The following PSD variants were observed in gnomAD, a reference collection of about 807,000 sequenced individuals.
The protein encoded by PSD is pleckstrin and Sec7 domain containing.
In PSD, 32 loss-of-function variants were observed where a neutral mutation model predicts 91.6. That is an observed-to-expected ratio of 0.35 (90% CI 0.26 to 0.47). PSD has a LOEUF of 0.47. Among genes scored for constraint, PSD ranks in the 20% least tolerant of loss-of-function variants. The pLI, the probability that PSD is intolerant of heterozygous loss-of-function variation, is 1.00. For synonymous variants in PSD, 532 were observed against 569.3 expected, an observed-to-expected ratio of 0.93 and a Z score of 0.93; for missense variants, 1,099 against 1,373.9, an observed-to-expected ratio of 0.80 and a Z score of 3.16.
chr10:102,417,455 C>T (rs1210900517), intron 1 of PSD, among the ~76,000 whole-genome samples: 2 of 151,984 alleles, frequency 1.3e-5, no homozygotes, highest in East Asian at 3.9e-4. Flanking sequence ...GAAGTTGGTA[C>T]CCCACCCTCT....
In PSD at chr10:102,403,334, C is replaced by T. The variant is rs371797859; in HGVS notation, c.2941G>A (p.Gly981Arg). The part of the protein sequence containing the change: ...DAVEAALAQA[G>R]STEDGLPPSH... ...GGAGGGAGTCCATCCTCTGTGCTCCCGGCCTGGGCCAGTGCTGCCTCCACT... is the reference window on the plus strand; with the variant it reads ...GGAGGGAGTCCATCCTCTGTGCTCCTGGCCTGGGCCAGTGCTGCCTCCACT... Residue 981 changes from glycine (G) to arginine (R), a missense_variant, in exon 17 of 17, where the codon GGG (glycine) becomes AGG (arginine). By Grantham distance (125) the Gly-to-Arg change is moderately radical. This residue lies in a region of PSD where 358 missense variants were observed against 426.5 expected (regional missense o/e 0.84). Coordinates refer to ENST00000020673, the MANE Select transcript of PSD (RefSeq NM_002779.5). This position sits in a 1 kb window ranked among gnomAD's most constrained non-coding sequence, Gnocchi z 6.7. 30 of 1,613,962 alleles carry T rather than the reference C, an allele frequency of 1.9e-5. No homozygotes were observed. In the East Asian group the frequency reaches 2.0e-4, roughly 11 times the overall value.
chr10:102,415,796 C>T (rs1015608472), intron 3 of PSD, among the ~76,000 whole-genome samples: 4 of 152,196 alleles, frequency 2.6e-5, no homozygotes, highest in Non-Finnish European at 5.9e-5. Context: ...CCTTCTGTCC[C>T]CTCCCTCCAT....
At chr10:102,417,522 T>C (rs1430687557) in intron 1 of PSD, among the ~76,000 whole-genome samples, 1 of 151,820 alleles carries the variant, frequency 6.6e-6, no homozygotes, top group Non-Finnish European at 1.5e-5. Flanking sequence ...CCCTATAGTC[T>C]CTCTTATGGA....
Position 102,416,893 on chromosome 10 carries a change from C to T in PSD, c.146G>A (p.Arg49Gln), listed in dbSNP as rs768396232. 17 of 1,607,138 alleles carry T rather than the reference C, an allele frequency of 1.1e-5. No individual in the cohort carries two copies. The highest frequency in any genetic ancestry group is 2.2e-5 in the South Asian group (2 of 90,462). The change falls in exon 2 of 17, where the codon CGA (arginine) becomes CAA (glutamine). Residue 49 changes from arginine (R) to glutamine (Q), a missense_variant. This residue lies in a region of PSD where 631 missense variants were observed against 728.8 expected (regional missense o/e 0.87). Coordinates refer to ENST00000020673, the MANE Select transcript of PSD (RefSeq NM_002779.5). This position sits in a 1 kb window ranked among gnomAD's most constrained non-coding sequence, Gnocchi z 6.0. Reference sequence around the variant, plus strand: ...GCCTCGAGGACCTGGACCTGCCACTCGCCGTAGCAAGGAGCCTGTGCTGCC... The same window carrying T: ...GCCTCGAGGACCTGGACCTGCCACTTGCCGTAGCAAGGAGCCTGTGCTGCC... ...MYGSTGSLLRRVAGPGPRGRE... is the reference protein window; with the variant it reads ...MYGSTGSLLRQVAGPGPRGRE...
At position 102,411,802 on chromosome 10, in the gene PSD, A is replaced by C; in HGVS notation, c.1847T>G (p.Leu616Arg). The change falls in exon 8 of 17, where the codon CTG (leucine) becomes CGG (arginine). Residue 616 changes from leucine (L) to arginine (R), a missense_variant. Leu to Arg is a moderately radical substitution (Grantham distance 102, BLOSUM62 -2). Transcript: ENST00000020673. ...TTCCTGGGTCTCACCCATTAAGGCC[A>C]GCTCCTTCAGAAACACCCTGGAGAA... The part of the protein sequence containing the change: ...DQALRVFLKE[L>R]ALMGETQERE... 1 of 1,612,882 alleles carries C rather than the reference A, an allele frequency of 6.2e-7. No homozygotes were observed. The highest frequency in any genetic ancestry group is 8.5e-7 in the Non-Finnish European group (1 of 1,179,462).
rs747969446 is a variant in PSD at position 102,417,003 on chromosome 10, G to A, written c.36C>T (p.Gly12=). 1.2e-5 allele frequency: 19 copies of A among 1,589,906 alleles called. No individual in the cohort carries two copies. Among genetic ancestry groups the A allele is most frequent in the South Asian group, 3.3e-5 (3 of 90,268 alleles). ...ATCGTGGTGGGGAGATGGCACAGTC[G>A]CCTTCCGAGCAGAAGCGCATGGCAC... ...AQGAMRFCSE[G]DCAISPPRCP... Residue 12 remains glycine (G), a synonymous_variant, in exon 2 of 17, where the codon GGC becomes GGT. Transcript: ENST00000020673.
chr10:102,410,765 C>G lies in PSD; in HGVS notation c.2091+93G>C, dbSNP rs2061417026. The G allele has an allele frequency of 3.0e-6, 3 of 1,003,322 alleles. No homozygotes were observed. The African/African-American group carries it at 4.7e-5, about 16-fold the overall frequency. 62.2% of individuals were successfully genotyped at this position (1,003,322 alleles called of 1,614,324 possible). ...GGCAGGAGCCGGGGGTCGGCAAGCC[C>G]CAGCCCTGCCCTCCCTCCGACTCTG... On this transcript the variant is annotated intron_variant, in intron 10 of 16. Transcript: ENST00000020673. The surrounding 1 kb of genome is among the most constrained non-coding windows in gnomAD (Gnocchi z 6.0).
chr10:102,410,792 A>T lies in PSD; in HGVS notation c.2091+66T>A. The T allele has an allele frequency of 4.8e-6, 5 of 1,039,224 alleles. No individual in the cohort carries two copies. Among genetic ancestry groups the T allele is most frequent in the Non-Finnish European group, 7.5e-6 (5 of 671,088 alleles). The allele number at this position is 1,039,224 out of a possible 1,614,324, so 64.4% of individuals were successfully genotyped here. On this transcript the variant is annotated intron_variant, in intron 10 of 16. Coordinates refer to ENST00000020673, the MANE Select transcript of PSD (RefSeq NM_002779.5). This position sits in a 1 kb window ranked among gnomAD's most constrained non-coding sequence, Gnocchi z 6.0. ...AGCCCTGCCCTCCCTCCGACTCTGG[A>T]CTCCGTCGCCGACTGGGTCCTCCAT...
chr10:102,413,725 A>G (rs754690752), intron 5 of PSD, 44 bp downstream of exon 5: 33 of 1,546,920 alleles, frequency 2.1e-5, no homozygotes, highest in Non-Finnish European at 2.6e-5. Context: ...CTGTTTCTGG[A>G]GCCCTGGGGG....
At position 102,413,991 on chromosome 10, in the gene PSD, A is replaced by C; in HGVS notation, c.1331T>G (p.Leu444Arg). Reference sequence around the variant, plus strand: ...CCGGGGTGCAGGGGGTTGGGGAGGCAGCTCAAAGGTGAAGAAGGGGCTCTG... The same window carrying C: ...CCGGGGTGCAGGGGGTTGGGGAGGCCGCTCAAAGGTGAAGAAGGGGCTCTG... ...PTQSPFFTFE[L>R]PPQPPAPRPD... Residue 444 changes from leucine to arginine, a missense_variant, in exon 5 of 17, where the codon CTG (leucine) becomes CGG (arginine). Physicochemically the swap from Leu to Arg is moderately radical, Grantham distance 102 (BLOSUM62 -2). Coordinates refer to ENST00000020673, the MANE Select transcript of PSD (RefSeq NM_002779.5). 3 of 1,613,964 alleles carry C rather than the reference A, an allele frequency of 1.9e-6. No homozygotes were observed. The highest frequency in any genetic ancestry group is 2.5e-6 in the Non-Finnish European group (3 of 1,179,846).
rs1335815379 is a variant in PSD at position 102,411,696 on chromosome 10, G to A, written c.1942+11C>T. ...CCAGCTAAGGACACCCCTGCTCTCG[G>A]AACTCCTCACCCTCTGAGGACAGGG... On this transcript the variant is annotated intron_variant, in intron 8 of 16. Transcript: ENST00000020673. The A allele has an allele frequency of 6.2e-7, 1 of 1,606,696 alleles. No individual in the cohort carries two copies. The highest frequency in any genetic ancestry group is 1.1e-5 in the South Asian group (1 of 90,124).
At chr10:102,418,469 G>A (rs1275307036) in intron 1 of PSD, among the ~76,000 whole-genome samples, 1 of 151,948 alleles carries the variant, frequency 6.6e-6, no homozygotes, top group East Asian at 1.9e-4. Context: ...CCCACCTACT[G>A]GGGTCTCTTG....
chr10:102,405,099 C>T lies in PSD; in HGVS notation c.2398-44G>A. 3 of 1,611,012 alleles carry T rather than the reference C, an allele frequency of 1.9e-6. No individual in the cohort carries two copies. Among genetic ancestry groups the T allele is most frequent in the Non-Finnish European group, 2.5e-6 (3 of 1,178,566 alleles). The stretch of plus-strand genomic sequence containing the variant: ...TGTCCTGGCCCCAAATGCAGCCTGG[C>T]CCAGCCCCTCCTATTCCCACCCATC... On this transcript the variant is annotated intron_variant, in intron 13 of 16. Transcript: ENST00000020673. This position sits in a 1 kb window ranked among gnomAD's most constrained non-coding sequence, Gnocchi z 5.4.
At position 102,405,410 on chromosome 10, in the gene PSD, C is replaced by T. The variant is rs2061348929; in HGVS notation, c.2262G>A (p.Gly754=). Reference sequence around the variant, plus strand: ...GGGCCCCGTGCTTGTAGACGGCAGCCCCAGGCTCGGGAGTCAGGTCCAGGA... The same window carrying T: ...GGGCCCCGTGCTTGTAGACGGCAGCTCCAGGCTCGGGAGTCAGGTCCAGGA... ...SPFLDLTPEP[G]AAVYKHGALV... is the part of the protein sequence containing the mutation. Residue 754 remains glycine, a synonymous_variant, in exon 12 of 17, where the codon GGG becomes GGA. Coordinates refer to ENST00000020673, the MANE Select transcript of PSD (RefSeq NM_002779.5). This position sits in a 1 kb window ranked among gnomAD's most constrained non-coding sequence, Gnocchi z 5.4. The T allele has an allele frequency of 6.2e-7, 1 of 1,614,002 alleles. No individual in the cohort carries two copies. The highest frequency in any genetic ancestry group is 8.5e-7 in the Non-Finnish European group (1 of 1,180,036).
In PSD at chr10:102,409,160, G is replaced by A; in HGVS notation, c.2091+1698C>T. The A allele has an allele frequency of 1.0e-6, 1 of 979,808 alleles. No individual in the cohort carries two copies. Among genetic ancestry groups the A allele is most frequent in the Non-Finnish European group, 1.2e-6 (1 of 827,900 alleles). The allele number at this position is 979,808 out of a possible 1,614,324, so 60.7% of individuals were successfully genotyped here. The stretch of plus-strand genomic sequence containing the variant: ...TCCGCCCTCGGCCCCCGGGCCGCCC[G>A]GACGGCCCGCGGACCGCTCCCCCGA... On this transcript the variant is annotated intron_variant, in intron 10 of 16. Transcript: ENST00000020673. The surrounding 1 kb of genome is among the most constrained non-coding windows in gnomAD (Gnocchi z 5.7).
At chr10:102,415,270 G>T (rs373380603) in intron 3 of PSD, 41 bp from the exon 4 acceptor site, 1 of 1,547,984 alleles carries the variant, frequency 6.5e-7, no homozygotes, top group Non-Finnish European at 8.7e-7. Context: ...GGTTATCCAC[G>T]TCAGCTCCCT....
At chr10:102,415,874 A>G in intron 3 of PSD, 143 bp downstream of exon 3, 1 of 623,624 alleles carries the variant, frequency 1.6e-6, no homozygotes. Context: ...GCAGATGGAA[A>G]GATTGAGGCC....
At chr10:102,413,433 A>G (rs1253961734) in intron 5 of PSD, among the ~76,000 whole-genome samples, 8 of 152,142 alleles carry the variant, frequency 5.3e-5, no homozygotes, top group African/African-American at 1.9e-4. Flanking sequence ...GGGTGAGGGT[A>G]AGGTCACAAG....
rs1416988621 is a variant in PSD, at chr10:102,404,587, G to C, written c.2696C>G (p.Ser899Cys). Residue 899 changes from serine to cysteine, a missense_variant, in exon 15 of 17, where the codon TCC (serine) becomes TGC (cysteine). Physicochemically the swap from Ser to Cys is moderately radical, Grantham distance 112 (BLOSUM62 -1). Around this residue, in one of 3 missense-constraint regions of PSD, gnomAD observed 358 missense variants for 426.5 expected, o/e 0.84. Coordinates refer to ENST00000020673, the MANE Select transcript of PSD (RefSeq NM_002779.5). The surrounding 1 kb of genome is among the most constrained non-coding windows in gnomAD (Gnocchi z 5.7). ...GGTGGACAGAGCTTGGGCTACCTGG[G>C]AGAGGCGGGTGGCAGCGCTGGGCAG... ...PLLPSAATRL[S>C]QEEQVRTHEA... The C allele has an allele frequency of 1.9e-6, 3 of 1,610,226 alleles. No homozygotes were observed. In the South Asian group the frequency reaches 3.3e-5, roughly 18 times the overall value.
Sources: gnomAD v4.1 joint callset for allele counts (sites outside exome capture counted in the v4.1 genomes callset) on GRCh38, gnomAD v4.1.1 for gene constraint, gnomAD v4.1.1 regional missense constraint, Gnocchi (gnomAD v3.1) non-coding constraint, MANE v1.5 for transcripts, NCBI Gene and HGNC (gene_info 2026-07-23, HGNC 2026-07-21) for gene names.